Variants in LHPP observed in about 807,000 individuals in gnomAD.
The protein encoded by LHPP is hLHPP.
A neutral mutation model predicts 30.3 loss-of-function variants in LHPP; 24 were observed. That is an observed-to-expected ratio of 0.79 (90% CI 0.57 to 1.11). The LOEUF (loss-of-function observed/expected upper bound fraction) is 1.11, where lower values mean the gene tolerates loss of function less well. Ranked by LOEUF, LHPP falls within the 50% of genes most tolerant of loss-of-function variation. The pLI is 0.00. For missense variants in LHPP, 356 were observed against 367.2 expected, an observed-to-expected ratio of 0.97 and a Z score of 0.25; for synonymous variants, 150 against 157.1, an observed-to-expected ratio of 0.95 and a Z score of 0.34.
rs941595508 is a variant in LHPP, at chr10:124,478,017, C to T, written c.126-6122C>T. Among the ~76,000 whole-genome samples, 3 of 152,194 alleles carry T rather than the reference C, an allele frequency of 2.0e-5. No homozygotes were observed. The highest frequency in any genetic ancestry group is 7.2e-5 in the African/African-American group (3 of 41,444). Reference sequence around the variant, plus strand: ...CTGGTTGCTGAGGATGGGGCTGGTCCTGCGCCAGGGTGCCCCCAGGTGCTG... The same window carrying T: ...CTGGTTGCTGAGGATGGGGCTGGTCTTGCGCCAGGGTGCCCCCAGGTGCTG... On this transcript the variant is annotated intron_variant, in intron 1 of 6. Transcript: ENST00000368842. This position sits in a 1 kb window ranked among gnomAD's most constrained non-coding sequence, Gnocchi z 4.7.
At chr10:124,572,096 A>C (rs1589874757) in intron 6 of LHPP, among the ~76,000 whole-genome samples, 1 of 152,162 alleles carries the variant, frequency 6.6e-6, no homozygotes, top group Admixed American at 6.5e-5. Flanking sequence ...GGGAGAGGCC[A>C]GGGCTGGCAG....
At chr10:124,481,076 G>T (rs10901679) in intron 1 of LHPP, among the ~76,000 whole-genome samples, 20,939 of 152,188 alleles carry the variant, frequency 0.14, 1,846 homozygotes, top group Non-Finnish European at 0.19. Flanking sequence ...GGAGTGCCAA[G>T]CCCTGTGGGA....
At position 124,576,504 on chromosome 10, in the gene LHPP, G is replaced by A. The variant is rs1432604670; in HGVS notation, c.717-36760G>A. ...TTGCTCCCACTCCCTACCATATGCT[G>A]TTCCCAGACCCCCCTCCATGGCCTG... On this transcript the variant is annotated intron_variant, in intron 6 of 6. Coordinates refer to ENST00000368842, the MANE Select transcript of LHPP (RefSeq NM_022126.4). The surrounding 1 kb of genome is among the most constrained non-coding windows in gnomAD (Gnocchi z 4.2). Among the ~76,000 whole-genome samples, 1 of 145,216 alleles carries A rather than the reference G, an allele frequency of 6.9e-6. No homozygotes were observed. The highest frequency in any genetic ancestry group is 1.5e-5 in the Non-Finnish European group (1 of 66,604).
At chr10:124,546,695 C>A (rs1955353330) in intron 6 of LHPP, among the ~76,000 whole-genome samples, 2 of 151,950 alleles carry the variant, frequency 1.3e-5, no homozygotes, top group African/African-American at 4.8e-5. Context: ...CAGGCGTGAG[C>A]CACCGCGCCC....
intron 5 of LHPP, among the ~76,000 whole-genome samples, chr10:124,514,206 C>G (rs998014922): frequency 6.6e-6 from 1 of 152,136 alleles, no homozygotes; most frequent in African/African-American, 2.4e-5. Context: ...TGGTGGTCAC[C>G]AGAGCTGAGT....
At chr10:124,602,216 G>C (rs1456078648) in intron 6 of LHPP, among the ~76,000 whole-genome samples, 1 of 152,204 alleles carries the variant, frequency 6.6e-6, no homozygotes, top group African/African-American at 2.4e-5. Flanking sequence ...CCCCAGCTCT[G>C]CCACTTCTGG....
intron 3 of LHPP, chr10:124,493,727 G>A (rs1480673155): frequency 2.0e-5 from 3 of 152,162 alleles, no homozygotes; most frequent in African/African-American, 4.8e-5. Flanking sequence ...CAGCATCCAC[G>A]GGTTCCTCTT....
At chr10:124,536,345 G>A (rs1274214999) in intron 6 of LHPP, among the ~76,000 whole-genome samples, 1 of 152,260 alleles carries the variant, frequency 6.6e-6, no homozygotes, top group Non-Finnish European at 1.5e-5. Context: ...AACCAGGAAA[G>A]AGGAAGCGGT....
chr10:124,519,739 C>T (rs1954559035), intron 6 of LHPP, among the ~76,000 whole-genome samples: 1 of 152,164 alleles, frequency 6.6e-6, no homozygotes, highest in Non-Finnish European at 1.5e-5. Flanking sequence ...TCTCCAACTC[C>T]ATCTAGGTTT....
chr10:124,469,171 G>C (rs1340918146), intron 1 of LHPP, among the ~76,000 whole-genome samples: 1 of 152,148 alleles, frequency 6.6e-6, no homozygotes, highest in Admixed American at 6.5e-5. Flanking sequence ...ACCAGCCGCC[G>C]CAGAGGGAAA....
Position 124,540,329 on chromosome 10 carries a change from C to T in LHPP, c.716+23058C>T, listed in dbSNP as rs547874486. ...ACGGCTGTGGGTTCCCACCAGGGGG[C>T]GGCAGGGACTTGCGGCCGGGGACCC... On this transcript the variant is annotated intron_variant, in intron 6 of 6. Coordinates refer to ENST00000368842, the MANE Select transcript of LHPP (RefSeq NM_022126.4). Among the ~76,000 whole-genome samples, 9 of 152,316 alleles carry T rather than the reference C, an allele frequency of 5.9e-5. No homozygotes were observed. In the South Asian group the frequency reaches 1.9e-3, roughly 32 times the overall value.
chr10:124,585,821 T>C (rs1459911796), intron 6 of LHPP, among the ~76,000 whole-genome samples: 1 of 151,836 alleles, frequency 6.6e-6, no homozygotes. Flanking sequence ...AGAGTCTTGC[T>C]CTGTCCAGGC....
chr10:124,517,210 G>C lies in LHPP; in HGVS notation c.655G>C (p.Asp219His). The change falls in exon 6 of 7, where the codon GAC becomes CAC. Residue 219 changes from aspartate (D) to histidine (H), a missense_variant. By Grantham distance (81) the Asp-to-His change is moderately conservative (BLOSUM62 -1). Transcript: ENST00000368842. The surrounding 1 kb of genome is among the most constrained non-coding windows in gnomAD (Gnocchi z 4.1). ...AVMIGDDIVG[D>H]VGGAQRCGMR... ...CATGATTGGGGACGATATCGTGGGC[G>C]ACGTCGGCGGTGCCCAGCGGTGTGG... 1 of 1,606,504 alleles carries C rather than the reference G, an allele frequency of 6.2e-7. No individual in the cohort carries two copies.
At chr10:124,465,537 A>C (rs1952529765) in intron 1 of LHPP, among the ~76,000 whole-genome samples, 2 of 152,256 alleles carry the variant, frequency 1.3e-5, no homozygotes, top group African/African-American at 4.8e-5. Flanking sequence ...ACGAACAAGC[A>C]GCCCAATAGC....
intron 6 of LHPP, among the ~76,000 whole-genome samples, chr10:124,589,835 G>A (rs1248939141): frequency 6.6e-6 from 1 of 152,200 alleles, no homozygotes; most frequent in Admixed American, 6.5e-5. Context: ...CCCCCTGCGT[G>A]CAGCCCCGTC....
At chr10:124,491,795 C>T (rs1339414202) in intron 3 of LHPP, among the ~76,000 whole-genome samples, 2 of 152,076 alleles carry the variant, frequency 1.3e-5, no homozygotes, top group African/African-American at 2.4e-5. Context: ...TGTGGTGGTG[C>T]GTGCCTATAG....
chr10:124,516,354 T>A (rs1342478512), intron 5 of LHPP, among the ~76,000 whole-genome samples: 1 of 152,198 alleles, frequency 6.6e-6, no homozygotes, highest in Non-Finnish European at 1.5e-5. Context: ...TCTGACCTCA[T>A]TCGCCCTTAA....
intron 6 of LHPP, among the ~76,000 whole-genome samples, chr10:124,580,809 C>G (rs1464717041): frequency 1.3e-5 from 2 of 150,650 alleles, no homozygotes; most frequent in African/African-American, 4.9e-5. Flanking sequence ...ACCTCTGCCT[C>G]CTGGGTTTAA....
At chr10:124,553,376 C>T (rs1159646073) in intron 6 of LHPP, among the ~76,000 whole-genome samples, 1 of 152,060 alleles carries the variant, frequency 6.6e-6, no homozygotes, top group Non-Finnish European at 1.5e-5. Context: ...CCAGGATGCA[C>T]CTGAGCTCGG....
Sources: allele counts gnomAD v4.1 joint callset (sites outside exome capture counted in the v4.1 genomes callset), GRCh38; gene constraint gnomAD v4.1.1; non-coding constraint Gnocchi (gnomAD v3.1); transcripts MANE v1.5; gene names NCBI Gene and HGNC (gene_info 2026-07-23, HGNC 2026-07-21).